The following TMPRSS5 variants were observed in gnomAD, a reference collection of about 807,000 sequenced individuals.
TMPRSS5 encodes the protein transmembrane protease serine 5.
TMPRSS5 carries 45 observed loss-of-function variants against 59.7 expected under a neutral mutation model. That is an observed-to-expected ratio of 0.75 (90% CI 0.59 to 0.97). The LOEUF is 0.97. TMPRSS5 is among the 50% of genes least tolerant of loss of function. TMPRSS5 has a pLI of 0.00. For synonymous variants in TMPRSS5, 225 were observed against 232.0 expected, an observed-to-expected ratio of 0.97 and a Z score of 0.27; for missense variants, 585 against 596.7, an observed-to-expected ratio of 0.98 and a Z score of 0.20.
chr11:113,704,976 T>C (rs1212691888), intron 1 of TMPRSS5, among the ~76,000 whole-genome samples: 1 of 152,104 alleles, frequency 6.6e-6, no homozygotes, highest in Non-Finnish European at 1.5e-5. Flanking sequence ...TTAAGTATAA[T>C]AATATTAATA....
chr11:113,690,831 G>A lies in TMPRSS5; in HGVS notation c.1063+10C>T. 6.3e-7 allele frequency: 1 copy of A among 1,575,738 alleles called. No homozygotes were observed. Among genetic ancestry groups the A allele is most frequent in the Non-Finnish European group, 8.6e-7 (1 of 1,160,822 alleles). On this transcript the variant is annotated intron_variant, in intron 10 of 12. Transcript: ENST00000299882. ...CGCCCCTGCACCGAGGGCCCAGGGA[G>A]CTGACTCACTATGGCTAGGGTGGGT... is the stretch of plus-strand genomic sequence containing the variant.
chr11:113,688,673 C>G (rs566576469), intron 12 of TMPRSS5, among the ~76,000 whole-genome samples: 75 of 152,142 alleles, frequency 4.9e-4, no homozygotes, highest in Non-Finnish European at 7.8e-4. Context: ...CAGGTTTAAG[C>G]GATTCTCCTG....
intron 6 of TMPRSS5, 132 bp downstream of exon 6, chr11:113,696,726 A>T: frequency 3.2e-6 from 2 of 633,060 alleles, no homozygotes; most frequent in East Asian, 5.5e-5. Context: ...TAACTAGGAA[A>T]TGTTCCTCTT....
In TMPRSS5 at chr11:113,695,605, C is replaced by A. The variant is rs45503699; in HGVS notation, c.579-162G>T. On this transcript the variant is annotated intron_variant, in intron 6 of 12. Coordinates refer to ENST00000299882, the MANE Select transcript of TMPRSS5 (RefSeq NM_030770.4). ...GAATACCACCATTTCCTTCCTGCCC[C>A]CACCCAAACACTCAGACCCCTCCTC... Among the ~76,000 whole-genome samples, 32,179 of 151,992 alleles carry A rather than the reference C, an allele frequency of 0.21. 3,660 individuals carry two copies. Among genetic ancestry groups the A allele is most frequent in the Middle Eastern group, 0.33 (97 of 294 alleles).
chr11:113,695,951 CT>C (rs1349386811), intron 6 of TMPRSS5, among the ~76,000 whole-genome samples: 3 of 152,064 alleles, frequency 2.0e-5, no homozygotes, highest in African/African-American at 7.2e-5. Flanking sequence ...CTCTTAGTTC[CT>C]TTTTTGACCA....
chr11:113,694,344 AC>A, intron 8 of TMPRSS5, 133 bp downstream of exon 8: 1 of 806,172 alleles, frequency 1.2e-6, no homozygotes, highest in Non-Finnish European at 1.9e-6. Context: ...AGAGAACTTC[AC>A]AAACACCAGT....
chr11:113,700,341 TC>T (rs1383882842), intron 1 of TMPRSS5, among the ~76,000 whole-genome samples, 173 bp from the exon 2 acceptor site: 1 of 152,104 alleles, frequency 6.6e-6, no homozygotes, highest in Non-Finnish European at 1.5e-5. Context: ...CTTGCCAGGC[TC>T]CCCTGTGCCC....
At position 113,688,128 on chromosome 11, in the gene TMPRSS5, TCA is replaced by T. The variant is rs1016029990; in HGVS notation, c.*130_*131del. 4.3e-5 allele frequency: 59 copies of T among 1,372,528 alleles called. No homozygotes were observed. The African/African-American group carries it at 8.0e-4, about 19-fold the overall frequency. 85.0% of individuals were successfully genotyped at this position (1,372,528 alleles called of 1,614,324 possible). A position where few individuals can be genotyped will look rare whatever the true frequency, so the allele number is the denominator to read the frequency against. On this transcript the variant is annotated 3_prime_UTR_variant, in exon 13 of 13. Transcript: ENST00000299882. ...CTGGCCAGTGGGTAGTGACTGTTCC[TCA>T]CACACAGTAGTAGGAGGTCCATGCG...
intron 1 of TMPRSS5, among the ~76,000 whole-genome samples, chr11:113,701,489 C>G (rs375387645): frequency 8.2e-4 from 119 of 145,598 alleles, no homozygotes; most frequent in Middle Eastern, 3.6e-3. Context: ...TTTTTTTTGG[C>G]GGGGGGGGGT....
intron 5 of TMPRSS5, 117 bp downstream of exon 5, chr11:113,697,166 G>T: frequency 6.9e-7 from 1 of 1,449,894 alleles, no homozygotes; most frequent in Non-Finnish European, 9.4e-7. Flanking sequence ...TGGCCAAAAA[G>T]ACCTCTTGAC....
In TMPRSS5 at chr11:113,694,615, G is replaced by C. The variant is rs192102035; in HGVS notation, c.648C>G (p.Ser216=). The C allele has an allele frequency of 2.5e-5, 39 of 1,548,958 alleles. No individual in the cohort carries two copies. The African/African-American group carries it at 3.3e-4, about 13-fold the overall frequency. The change falls in exon 8 of 13, where the codon TCC becomes TCG. Residue 216 remains serine (S), a synonymous_variant. Coordinates refer to ENST00000299882, the MANE Select transcript of TMPRSS5 (RefSeq NM_030770.4). The part of the protein sequence containing the change: ...CSECGARPLA[S]RIVGGQSVAP... ...CCACAGACTGCCCACCAACTATCCG[G>C]GAAGCCAGGGGCCTCGCTCCACACT...
intron 11 of TMPRSS5, 52 bp from the exon 12 acceptor site, chr11:113,689,969 G>C: frequency 6.7e-7 from 1 of 1,483,140 alleles, no homozygotes; most frequent in East Asian, 2.5e-5. Context: ...AGTTCTTCCT[G>C]ATGGAGAGCA....
chr11:113,700,061 C>A lies in TMPRSS5; in HGVS notation c.106+5G>T. 6.4e-7 allele frequency: 1 copy of A among 1,560,378 alleles called. No homozygotes were observed. The highest frequency in any genetic ancestry group is 8.7e-7 in the Non-Finnish European group (1 of 1,151,662). ...GTCATTCCCCTATGGCCCAGTCTGG[C>A]CTACTGGGATGCTGCTGGTCTCCAG... On this transcript the variant is annotated splice_donor_5th_base_variant and intron_variant, in intron 2 of 12. Coordinates refer to ENST00000299882, the MANE Select transcript of TMPRSS5 (RefSeq NM_030770.4).
At chr11:113,691,158 G>C (rs899114023) in intron 9 of TMPRSS5, among the ~76,000 whole-genome samples, 4 of 152,140 alleles carry the variant, frequency 2.6e-5, no homozygotes, top group African/African-American at 4.8e-5. Flanking sequence ...GCAAACTGCA[G>C]TGTGCATGGC....
At chr11:113,699,253 CT>C (rs1565263572) in intron 3 of TMPRSS5, among the ~76,000 whole-genome samples, 1,159 of 85,058 alleles carry the variant, frequency 0.014, 65 homozygotes, top group South Asian at 0.022. Context: ...CTCTCTCTCT[CT>C]CTCTCTCTCT....
At chr11:113,700,225 G>C in intron 1 of TMPRSS5, 57 bp from the exon 2 acceptor site, 1 of 1,413,836 alleles carries the variant, frequency 7.1e-7, no homozygotes, top group East Asian at 2.5e-5. Flanking sequence ...GCTGAGAGAA[G>C]TCACAGCCCA....
chr11:113,693,256 A>G lies in TMPRSS5; in HGVS notation c.786-7T>C. 3 of 1,548,690 alleles carry G rather than the reference A, an allele frequency of 1.9e-6. No homozygotes were observed. Among genetic ancestry groups the G allele is most frequent in the Non-Finnish European group, 2.6e-6 (3 of 1,145,936 alleles). On this transcript the variant is annotated splice_polypyrimidine_tract_variant and splice_region_variant and intron_variant, in intron 8 of 12. Coordinates refer to ENST00000299882, the MANE Select transcript of TMPRSS5 (RefSeq NM_030770.4). Reference sequence around the variant, plus strand: ...CAGGCGGGCCAGCCTGAAACTGCACACAGGGGCCATGCTGAGCGGGGAAGG... The same window carrying G: ...CAGGCGGGCCAGCCTGAAACTGCACGCAGGGGCCATGCTGAGCGGGGAAGG...
intron 1 of TMPRSS5, among the ~76,000 whole-genome samples, chr11:113,705,138 T>C (rs1327482029): frequency 1.3e-5 from 2 of 152,118 alleles, no homozygotes; most frequent in African/African-American, 4.8e-5. Context: ...TTGTACCCAA[T>C]GAGGATAAAA....
At chr11:113,699,544 G>C in intron 3 of TMPRSS5, 51 bp downstream of exon 3, 1 of 1,461,100 alleles carries the variant, frequency 6.8e-7, no homozygotes, top group Non-Finnish European at 9.4e-7. Context: ...CTCAGCACCT[G>C]CTTCTCCCTT....
Sources: allele counts gnomAD v4.1 joint callset (sites outside exome capture counted in the v4.1 genomes callset), GRCh38; gene constraint gnomAD v4.1.1; transcripts MANE v1.5; gene names NCBI Gene and HGNC (gene_info 2026-07-23, HGNC 2026-07-21).